CPVL: variants seen among roughly 807,000 people sequenced by gnomAD.
CPVL encodes the protein probable serine carboxypeptidase CPVL.
CPVL carries 51 observed loss-of-function variants against 63.7 expected under a neutral mutation model. The ratio of observed to expected loss-of-function variants is 0.80; its 90% confidence interval spans 0.64 to 1.01. The LOEUF (loss-of-function observed/expected upper bound fraction) is 1.01. Among genes scored for constraint, CPVL ranks in the 50% least tolerant of loss-of-function variants. CPVL has a pLI of 0.00. For missense variants in CPVL, 530 were observed against 573.1 expected (o/e 0.92, Z 0.77); for synonymous variants, 195 against 206.0 (o/e 0.95, Z 0.46).
intron 5 of CPVL, among the ~76,000 whole-genome samples, chr7:29,163,169 G>A (rs553155707): frequency 5.3e-5 from 8 of 151,966 alleles, no homozygotes; most frequent in Non-Finnish European, 1.0e-4. Context: ...TTCTATTATG[G>A]GAAAATTTTT....
chr7:29,150,792 G>A (rs245887), upstream of CPVL, among the ~76,000 whole-genome samples: 82,234 of 151,576 alleles, frequency 0.54, 22,753 homozygotes, highest in African/African-American at 0.66. Context: ...TCTTCAATGG[G>A]GCCACCGGGT....
At chr7:29,125,478 C>T (rs976164517) in intron 1 of CPVL, among the ~76,000 whole-genome samples, 3 of 151,068 alleles carry the variant, frequency 2.0e-5, no homozygotes, top group African/African-American at 4.9e-5. Context: ...CTACAACCTC[C>T]GCCTCCTCGG....
intron 5 of CPVL, among the ~76,000 whole-genome samples, chr7:29,176,117 C>T (rs1270817848): frequency 6.6e-6 from 1 of 151,362 alleles, no homozygotes; most frequent in East Asian, 1.9e-4. Flanking sequence ...ACCTGGGAGG[C>T]GGAGCTTACA....
At chr7:29,021,087 A>G (rs1786920677) in intron 12 of CPVL, among the ~76,000 whole-genome samples, 1 of 151,990 alleles carries the variant, frequency 6.6e-6, no homozygotes, top group Non-Finnish European at 1.5e-5. Context: ...CTGAGATATG[A>G]CCTCATGTCC....
intron 7 of CPVL, 127 bp downstream of exon 7, chr7:29,086,356 GA>G: frequency 1.8e-6 from 1 of 566,288 alleles, no homozygotes; most frequent in Non-Finnish European, 3.2e-6. Context: ...AATAAAGGCT[GA>G]ATCAATATTG....
intron 8 of CPVL, 81 bp downstream of exon 8, chr7:29,072,220 T>C: frequency 6.6e-7 from 1 of 1,509,646 alleles, no homozygotes; most frequent in Non-Finnish European, 9.0e-7. Context: ...AAGTTAGACC[T>C]CTAAGAGGAG....
At chr7:29,046,246 G>A (rs907546169) in intron 11 of CPVL, among the ~76,000 whole-genome samples, 6 of 151,806 alleles carry the variant, frequency 4.0e-5, no homozygotes, top group Non-Finnish European at 8.8e-5. Context: ...CACCACACCC[G>A]GCTAATTTTT....
intron 11 of CPVL, among the ~76,000 whole-genome samples, chr7:29,051,883 G>T (rs577120391): frequency 1.3e-5 from 2 of 150,298 alleles, no homozygotes; most frequent in Admixed American, 1.3e-4. Context: ...TAAAGAAACT[G>T]TGGTATATAT....
chr7:29,041,540 T>C (rs1428543881), intron 11 of CPVL, among the ~76,000 whole-genome samples: 1 of 152,142 alleles, frequency 6.6e-6, no homozygotes, highest in East Asian at 1.9e-4. Flanking sequence ...GACAAAGTTA[T>C]TACCCTACTA....
chr7:29,003,736 T>C (rs1583941075), intron 12 of CPVL, among the ~76,000 whole-genome samples: 1 of 152,162 alleles, frequency 6.6e-6, no homozygotes, highest in African/African-American at 2.4e-5. Flanking sequence ...AGACGGTTTT[T>C]CCATGCACAG....
intron 1 of CPVL, among the ~76,000 whole-genome samples, chr7:29,138,825 G>C (rs1255406096): frequency 6.6e-6 from 1 of 152,134 alleles, no homozygotes; most frequent in African/African-American, 2.4e-5. Flanking sequence ...AGCTGCCACG[G>C]GCACTTGGCA....
chr7:29,182,194 AGATG>A (rs1798148127), intron 4 of CPVL, among the ~76,000 whole-genome samples: 1 of 152,228 alleles, frequency 6.6e-6, no homozygotes, highest in African/African-American at 2.4e-5. Flanking sequence ...TTCTATTATA[AGATG>A]GTGACAGGAT....
chr7:29,142,509 C>G (rs922470039), intron 1 of CPVL, among the ~76,000 whole-genome samples: 1 of 147,814 alleles, frequency 6.8e-6, no homozygotes, highest in African/African-American at 2.5e-5. Flanking sequence ...AAACTTCCTC[C>G]TTCTATGACT....
At chr7:29,181,309 C>T (rs1028570819) in exon 5 of CPVL, 2 of 152,172 alleles carry the variant, frequency 1.3e-5, no homozygotes, top group Admixed American at 6.5e-5. Context: ...TGAACTGGGG[C>T]TCCTGGCAGC....
chr7:29,005,862 A>C (rs893633513), intron 12 of CPVL, among the ~76,000 whole-genome samples: 10 of 152,228 alleles, frequency 6.6e-5, no homozygotes, highest in Non-Finnish European at 1.3e-4. Flanking sequence ...AATCCAGTTC[A>C]TTATTTATAC....
intron 11 of CPVL, among the ~76,000 whole-genome samples, chr7:29,036,161 C>T (rs1019695697): frequency 1.3e-5 from 2 of 152,200 alleles, no homozygotes; most frequent in Non-Finnish European, 2.9e-5. Context: ...CATACACCTT[C>T]GGACCAGTGC....
intron 12 of CPVL, chr7:29,009,738 A>G (rs766370095): frequency 6.6e-6 from 1 of 152,188 alleles, no homozygotes; most frequent in Non-Finnish European, 1.5e-5. Flanking sequence ...TAACAAAGAA[A>G]AAAGAAAGGG....
chr7:29,019,248 C>T (rs1396478447), intron 12 of CPVL, among the ~76,000 whole-genome samples: 2 of 152,112 alleles, frequency 1.3e-5, no homozygotes, highest in Non-Finnish European at 2.9e-5. Flanking sequence ...CAGACAACTT[C>T]TAAATTTGAC....
intron 12 of CPVL, 98 bp from the exon 13 acceptor site, chr7:28,995,980 A>G: frequency 5.8e-6 from 4 of 694,614 alleles, no homozygotes. Flanking sequence ...TAAAACTCAC[A>G]TGAAATACAG....
Sources: gnomAD v4.1 joint callset for allele counts (sites outside exome capture counted in the v4.1 genomes callset) on GRCh38, gnomAD v4.1.1 for gene constraint, MANE v1.5 for transcripts, NCBI Gene and HGNC (gene_info 2026-07-23, HGNC 2026-07-21) for gene names.